CNBP: variants seen among roughly 807,000 people sequenced by gnomAD.
CNBP encodes cellular nucleic acid-binding protein.
A neutral mutation model predicts 21.2 loss-of-function variants in CNBP; 6 were observed. That is an observed-to-expected ratio of 0.28 (90% CI 0.16 to 0.56). CNBP has a LOEUF of 0.56. CNBP is among the 20% of genes least tolerant of loss of function. The pLI, the probability that CNBP is intolerant of heterozygous loss-of-function variation, is 0.93. For synonymous variants in CNBP, 61 were observed against 74.9 expected (o/e 0.81, Z 0.96); for missense variants, 112 against 233.1 (o/e 0.48, Z 3.38).
intron 1 of CNBP, among the ~76,000 whole-genome samples, chr3:129,174,164 A>G (rs1213773552): frequency 6.6e-6 from 1 of 152,162 alleles, no homozygotes; most frequent in Non-Finnish European, 1.5e-5. Flanking sequence ...GCTATGAGTT[A>G]CTGGTGCTTT....
intron 1 of CNBP, among the ~76,000 whole-genome samples, chr3:129,183,311 G>C (rs1169236887): frequency 6.6e-6 from 1 of 152,254 alleles, no homozygotes; most frequent in East Asian, 1.9e-4. Context: ...CACGACCCCA[G>C]CACATGGCCT....
chr3:129,177,974 C>T (rs553620322), intron 1 of CNBP, among the ~76,000 whole-genome samples: 1 of 152,114 alleles, frequency 6.6e-6, no homozygotes, highest in South Asian at 2.1e-4. Flanking sequence ...AGCTAGCCAA[C>T]ATGGTGAAAC....
In CNBP at chr3:129,171,119, C is replaced by T. The variant is rs1937559985; in HGVS notation, c.376G>A (p.Gly126Arg). 6.2e-7 allele frequency: 1 copy of T among 1,613,946 alleles called. No individual in the cohort carries two copies. The change falls in exon 4 of 5, where the codon GGA becomes AGA. Residue 126 changes from glycine (G) to arginine (R), a missense_variant. By Grantham distance (125) the Gly-to-Arg change is moderately radical. Transcript: ENST00000422453. ...TTGGTGCAGTCTTTTTGAATGTGTC[C>T]GAATTCTCCACAAGAATAGCATTTC... ...EQKCYSCGEF[G>R]HIQKDCTKVK...
At chr3:129,181,153 T>C (rs1173800177) in intron 1 of CNBP, among the ~76,000 whole-genome samples, 1 of 143,318 alleles carries the variant, frequency 7.0e-6, no homozygotes, top group Non-Finnish European at 1.5e-5. Flanking sequence ...GGCAGGAGAA[T>C]TGCTTGAGCC....
intron 1 of CNBP, among the ~76,000 whole-genome samples, 175 bp from the exon 2 acceptor site, chr3:129,171,946 G>C (rs763780153): frequency 6.6e-6 from 1 of 152,244 alleles, no homozygotes; most frequent in Non-Finnish European, 1.5e-5. Context: ...TTGGGAGGCC[G>C]AGGTGGGTGG....
intron 1 of CNBP, among the ~76,000 whole-genome samples, chr3:129,182,423 G>A (rs1283707587): frequency 6.6e-6 from 1 of 151,986 alleles, no homozygotes; most frequent in East Asian, 1.9e-4. Flanking sequence ...ACCAGAAACA[G>A]TCACTTCCTT....
Position 129,180,762 on chromosome 3 carries a change from CT to C in CNBP, c.-15+3013del, listed in dbSNP as rs755567747. Among the ~76,000 whole-genome samples the C allele has an allele frequency of 7.4e-3, 1,031 of 139,602 alleles. 6 individuals are homozygous for C. Among genetic ancestry groups the C allele is most frequent in the African/African-American group, 0.013 (501 of 38,620 alleles). 91.6% of individuals were successfully genotyped at this position (139,602 alleles called of 152,430 possible). A position where few individuals can be genotyped will look rare whatever the true frequency, so the allele number is the denominator to read the frequency against. On this transcript the variant is annotated intron_variant, in intron 1 of 4. Transcript: ENST00000422453. ...GCTAGGAAGAGAAAAAGGAACCAAT[CT>C]TTTTTTTTTTTTTTAATTTTTCATC...
intron 1 of CNBP, among the ~76,000 whole-genome samples, chr3:129,177,288 G>C (rs1011812199): frequency 2.0e-5 from 3 of 152,168 alleles, no homozygotes; most frequent in African/African-American, 7.2e-5. Context: ...CGTGAAACCT[G>C]ATGTACGTAT....
intron 1 of CNBP, among the ~76,000 whole-genome samples, chr3:129,178,666 C>T (rs778737378): frequency 1.3e-5 from 2 of 152,158 alleles, no homozygotes; most frequent in Non-Finnish European, 2.9e-5. Context: ...GGAGCTTTTG[C>T]CCTCTGAATG....
rs190320743 is a variant in CNBP at position 129,170,482 on chromosome 3, G to A, written c.505C>T (p.Arg169Trp). Residue 169 changes from arginine (R) to tryptophan (W), a missense_variant, in exon 5 of 5, where the codon CGG (arginine) becomes TGG (tryptophan). Transcript: ENST00000422453. Reference protein sequence around the residue: ...YRCGESGHLARECTIEATA With the variant: ...YRCGESGHLAWECTIEATA ...GCTGTAGCCTCAATTGTGCATTCCC[G>A]TGCAAGGTGCCCTGACTCGCCACAG... 3 of 1,614,024 alleles carry A rather than the reference G, an allele frequency of 1.9e-6. No individual in the cohort carries two copies. Among genetic ancestry groups the A allele is most frequent in the Non-Finnish European group, 1.7e-6 (2 of 1,180,000 alleles).
chr3:129,168,024 C>T lies in CNBP; in HGVS notation c.*2429G>A, dbSNP rs1363771114. On this transcript the variant is annotated 3_prime_UTR_variant, in exon 5 of 5. Transcript: ENST00000422453. ...CACAGCTGAGACACCACCATTTTAA[C>T]ACTGAATCACTATACCATGAACTGA... Among the ~76,000 whole-genome samples, 1 of 151,416 alleles carries T rather than the reference C, an allele frequency of 6.6e-6. No homozygotes were observed. Among genetic ancestry groups the T allele is most frequent in the Non-Finnish European group, 1.5e-5 (1 of 68,034 alleles).
intron 1 of CNBP, among the ~76,000 whole-genome samples, chr3:129,178,158 CAAAAAAA>C (rs368723690): frequency 9.6e-6 from 1 of 103,900 alleles, no homozygotes; most frequent in Non-Finnish European, 1.8e-5. Context: ...GACTCTGTCT[CAAAAAAA>C]AAAAAAAAAA....
chr3:129,170,093 A>G lies in CNBP; in HGVS notation c.*360T>C, dbSNP rs1338255372. 3 of 281,358 alleles carry G rather than the reference A, an allele frequency of 1.1e-5. No homozygotes were observed. In the East Asian group the frequency reaches 1.5e-4, roughly 14 times the overall value. 17.4% of individuals were successfully genotyped at this position (281,358 alleles called of 1,614,324 possible). ...AAATTAAAGTTATTTATGGAAGTTC[A>G]TAGACACTTCCAGAATTGGTTTTAC... On this transcript the variant is annotated 3_prime_UTR_variant, in exon 5 of 5. Transcript: ENST00000422453.
At chr3:129,172,624 CCAGGCAGGCAGGCAGG>C (rs869112917) in intron 1 of CNBP, among the ~76,000 whole-genome samples, 260 of 56,178 alleles carry the variant, frequency 4.6e-3, no homozygotes, top group Middle Eastern at 0.011. Context: ...AGACAGGCAG[CCAGGCAGGCAGGCAGG>C]CAGGCAGGCA....
At position 129,171,248 on chromosome 3, in the gene CNBP, T is replaced by G. The variant is rs889286179; in HGVS notation, c.247A>C (p.Ile83Leu). 6.2e-7 allele frequency: 1 copy of G among 1,614,224 alleles called. No individual in the cohort carries two copies. The highest frequency in any genetic ancestry group is 8.5e-7 in the Non-Finnish European group (1 of 1,180,034). ...ACYNCGRGGH[I>L]AKDCKEPKRE... ...TTGGGCTCCTTGCAGTCCTTGGCAA[T>G]GTGGCCACCTCTACCGCAGTTATAG... Residue 83 changes from isoleucine to leucine, a missense_variant, in exon 4 of 5, where the codon ATT becomes CTT. Physicochemically the swap from Ile to Leu is conservative, Grantham distance 5 (BLOSUM62 2). Transcript: ENST00000422453.
At chr3:129,182,854 T>C (rs1415682708) in intron 1 of CNBP, among the ~76,000 whole-genome samples, 1 of 152,218 alleles carries the variant, frequency 6.6e-6, no homozygotes, top group Non-Finnish European at 1.5e-5. Flanking sequence ...CTATCAAGGA[T>C]AGGGAGTATA....
intron 1 of CNBP, among the ~76,000 whole-genome samples, chr3:129,172,619 GGC>G (rs1937610303): frequency 7.7e-5 from 4 of 51,648 alleles, no homozygotes; most frequent in Non-Finnish European, 2.0e-4. Context: ...CAGGCAGACA[GGC>G]AGCCAGGCAG....
In CNBP at chr3:129,179,833, CA is replaced by C. The variant is rs11316526; in HGVS notation, c.-15+3942del. ...GGGTGACAAAGCGAGACTCCGTCTC[CA>C]AAAAAAACTAAAAAAACAAAAATTA... On this transcript the variant is annotated intron_variant, in intron 1 of 4. Coordinates refer to ENST00000422453, the MANE Select transcript of CNBP (RefSeq NM_003418.5). Among the ~76,000 whole-genome samples the C allele has an allele frequency of 9.7e-3, 1,469 of 151,432 alleles. 22 individuals carry two copies. Among genetic ancestry groups the C allele is most frequent in the African/African-American group, 0.033 (1,370 of 41,320 alleles).
intron 1 of CNBP, among the ~76,000 whole-genome samples, chr3:129,174,359 A>AAAC: frequency 6.8e-6 from 1 of 147,652 alleles, no homozygotes; most frequent in African/African-American, 2.5e-5. Flanking sequence ...TAAAAAAAAA[A>AAAC]AAAAAAAAAA....
Sources: gnomAD v4.1 joint callset for allele counts (sites outside exome capture counted in the v4.1 genomes callset) on GRCh38, gnomAD v4.1.1 for gene constraint, MANE v1.5 for transcripts, NCBI Gene and HGNC (gene_info 2026-07-23, HGNC 2026-07-21) for gene names.